Variants in CCDC175 observed in about 807,000 individuals in gnomAD.
CCDC175 encodes the protein coiled-coil domain-containing protein 175.
In CCDC175, 100 loss-of-function variants were observed where a neutral mutation model predicts 114.6. That is an observed-to-expected ratio of 0.87 (90% confidence interval 0.74 to 1.03). The LOEUF is 1.03. Among genes scored for constraint, CCDC175 ranks in the 50% least tolerant of loss-of-function variants. The pLI, the probability that CCDC175 is intolerant of heterozygous loss-of-function variation, is 0.00. For missense variants in CCDC175, 880 were observed against 917.8 expected (o/e 0.96, Z 0.53); for synonymous variants, 306 against 308.7 (o/e 0.99, Z 0.09).
At position 59,517,379 on chromosome 14, in the gene CCDC175, T is replaced by A. The variant is rs1893155892; in HGVS notation, c.2098+4195A>T. ...CAATTAGCAAAAGAGGAAATCCAATTGTCCCTGTTTGCAGATGACATTATT... is the reference window on the plus strand; with the variant it reads ...CAATTAGCAAAAGAGGAAATCCAATAGTCCCTGTTTGCAGATGACATTATT... On this transcript the variant is annotated intron_variant, in intron 17 of 19. Coordinates refer to ENST00000537690, the MANE Select transcript of CCDC175 (RefSeq NM_001164399.2). Among the ~76,000 whole-genome samples, 6 of 152,316 alleles carry A rather than the reference T, an allele frequency of 3.9e-5. No individual in the cohort carries two copies. In the South Asian group the frequency reaches 1.2e-3, roughly 32 times the overall value.
chr14:59,535,144 C>T (rs192638181), intron 13 of CCDC175, among the ~76,000 whole-genome samples: 8 of 152,214 alleles, frequency 5.3e-5, no homozygotes, highest in Non-Finnish European at 1.0e-4. Flanking sequence ...TGCTGATTAT[C>T]GAGGGGAAAT....
rs1407396277 is a variant in CCDC175 at position 59,552,873 on chromosome 14, A to AT, written c.954-1438_954-1437insA. ...CTGGAAGAAAGGGTATCAGTGATTG[A>AT]AATCAAATGAATGAAATGAAGCGAG... On this transcript the variant is annotated intron_variant, in intron 7 of 19. Transcript: ENST00000537690. 5.1e-5 allele frequency among the ~76,000 whole-genome samples: 5 copies of AT among 97,090 alleles called. No individual in the cohort carries two copies. In the East Asian group the frequency reaches 3.2e-3, roughly 62 times the overall value. The allele number at this position is 97,090 out of a possible 152,430, so 63.7% of individuals were successfully genotyped here.
rs531695582 is a variant in CCDC175, at chr14:59,511,358, C to G, written c.2142+402G>C. ...GATTTTGACCCCAGCCTATCTGACT[C>G]TGAAGTGGGGAGGGTGCAGATGTTG... On this transcript the variant is annotated intron_variant, in intron 18 of 19. Transcript: ENST00000537690. 2.6e-5 allele frequency among the ~76,000 whole-genome samples: 4 copies of G among 152,120 alleles called. No homozygotes were observed. In the South Asian group the frequency reaches 8.3e-4, roughly 32 times the overall value.
At chr14:59,516,070 G>C (rs578206480) in intron 17 of CCDC175, among the ~76,000 whole-genome samples, 1 of 152,254 alleles carries the variant, frequency 6.6e-6, no homozygotes, top group African/African-American at 2.4e-5. Flanking sequence ...AATGACTACT[G>C]GGTACATAAC....
intron 7 of CCDC175, among the ~76,000 whole-genome samples, chr14:59,552,095 A>G (rs113423887): frequency 0.45 from 67,895 of 152,162 alleles, 17,386 homozygotes; most frequent in East Asian, 0.81. Flanking sequence ...TTAAACGTCC[A>G]TGTCTGACAC....
chr14:59,535,858 AG>A (rs1158254187), intron 13 of CCDC175, among the ~76,000 whole-genome samples: 3 of 152,176 alleles, frequency 2.0e-5, no homozygotes, highest in African/African-American at 7.2e-5. Context: ...CACATCCAAT[AG>A]TTGGCTCCTT....
chr14:59,507,842 G>T (rs1892513594), intron 19 of CCDC175, among the ~76,000 whole-genome samples: 1 of 152,180 alleles, frequency 6.6e-6, no homozygotes, highest in Admixed American at 6.5e-5. Flanking sequence ...AGCTGGCATG[G>T]TGGCTCACAC....
chr14:59,524,438 G>C lies in CCDC175; in HGVS notation c.1995+844C>G, dbSNP rs540229641. On this transcript the variant is annotated intron_variant, in intron 16 of 19. Coordinates refer to ENST00000537690, the MANE Select transcript of CCDC175 (RefSeq NM_001164399.2). Reference sequence around the variant, plus strand: ...TTTTTAAAAAACGGGCAAAAGACTTGAACAGTCACTTCACAAAAAAAGGAT... The same window carrying C: ...TTTTTAAAAAACGGGCAAAAGACTTCAACAGTCACTTCACAAAAAAAGGAT... Among the ~76,000 whole-genome samples, 3 of 152,210 alleles carry C rather than the reference G, an allele frequency of 2.0e-5. No homozygotes were observed. In the East Asian group the frequency reaches 5.8e-4, roughly 29 times the overall value.
At chr14:59,520,012 T>C (rs1566598740) in intron 17 of CCDC175, among the ~76,000 whole-genome samples, 1 of 152,230 alleles carries the variant, frequency 6.6e-6, no homozygotes, top group African/African-American at 2.4e-5. Flanking sequence ...TCCCGGCTGT[T>C]GAATTACCCT....
Position 59,530,748 on chromosome 14 carries a change from A to G in CCDC175, c.1762+1024T>C, listed in dbSNP as rs546474205. The stretch of plus-strand genomic sequence containing the variant: ...CTACATTTGAACATATTGGGGTTCC[A>G]TATGAATGTCCCATTTTGACACAGG... On this transcript the variant is annotated intron_variant, in intron 14 of 19. Coordinates refer to ENST00000537690, the MANE Select transcript of CCDC175 (RefSeq NM_001164399.2). Among the ~76,000 whole-genome samples the G allele has an allele frequency of 3.3e-5, 5 of 152,316 alleles. No homozygotes were observed. The East Asian group carries it at 7.7e-4, about 24-fold the overall frequency.
chr14:59,530,672 A>C (rs890303848), intron 14 of CCDC175, among the ~76,000 whole-genome samples: 2 of 152,042 alleles, frequency 1.3e-5, no homozygotes, highest in Non-Finnish European at 2.9e-5. Flanking sequence ...ATTTTTAAAA[A>C]TCCACCCTCC....
At chr14:59,539,771 G>A (rs757436015) in intron 11 of CCDC175, among the ~76,000 whole-genome samples, 17 of 151,786 alleles carry the variant, frequency 1.1e-4, no homozygotes, top group East Asian at 1.9e-4. Flanking sequence ...AAAATTAGCC[G>A]GGCATGATAG....
intron 17 of CCDC175, among the ~76,000 whole-genome samples, chr14:59,516,356 T>A (rs1893086074): frequency 6.6e-6 from 1 of 152,046 alleles, no homozygotes; most frequent in Admixed American, 6.6e-5. Context: ...AAAAAAACCT[T>A]CAAAAAAATC....
intron 1 of CCDC175, among the ~76,000 whole-genome samples, chr14:59,575,648 T>G (rs1237497437): frequency 6.6e-6 from 1 of 152,100 alleles, no homozygotes; most frequent in Non-Finnish European, 1.5e-5. Context: ...TAGCTGGGAT[T>G]ACAGACGTGC....
At chr14:59,508,189 C>T (rs768478660) in intron 19 of CCDC175, among the ~76,000 whole-genome samples, 2 of 152,042 alleles carry the variant, frequency 1.3e-5, no homozygotes, top group Admixed American at 6.5e-5. Context: ...CACTTGTCCA[C>T]TAGAGGCAAG....
chr14:59,545,133 G>A (rs1380367108), intron 9 of CCDC175, 30 bp downstream of exon 9: 11 of 1,526,516 alleles, frequency 7.2e-6, no homozygotes, highest in African/African-American at 1.4e-5. Flanking sequence ...ATGATGGCAT[G>A]TTGAATCACA....
At position 59,568,299 on chromosome 14, in the gene CCDC175, A is replaced by G. The variant is rs1419180252; in HGVS notation, c.437T>C (p.Ile146Thr). The change falls in exon 4 of 20, where the codon ATA becomes ACA. Residue 146 changes from isoleucine (I) to threonine (T), a missense_variant. Coordinates refer to ENST00000537690, the MANE Select transcript of CCDC175 (RefSeq NM_001164399.2). ...KMRITRTENE[I>T]ELLKKKITDL... ...AGTTATTTTCTTCTTCAGAAGCTCT[A>G]TTTCATTCTCTGTCCTTGTAATTCT... 1 of 1,532,764 alleles carries G rather than the reference A, an allele frequency of 6.5e-7. No individual in the cohort carries two copies. Among genetic ancestry groups the G allele is most frequent in the Non-Finnish European group, 8.7e-7 (1 of 1,145,558 alleles). The allele number at this position is 1,532,764 out of a possible 1,614,324, so 94.9% of individuals were successfully genotyped here.
At chr14:59,551,734 A>G (rs982334469) in intron 7 of CCDC175, among the ~76,000 whole-genome samples, 1 of 152,210 alleles carries the variant, frequency 6.6e-6, no homozygotes, top group African/African-American at 2.4e-5. Context: ...GGAAGCCATG[A>G]CAGACAGCAC....
intron 16 of CCDC175, among the ~76,000 whole-genome samples, chr14:59,522,583 C>T (rs1893485163): frequency 6.6e-6 from 1 of 152,192 alleles, no homozygotes; most frequent in Non-Finnish European, 1.5e-5. Context: ...TTCTTTCAGT[C>T]TCTCTTTTTA....
Sources: gnomAD v4.1 joint callset for allele counts (sites outside exome capture counted in the v4.1 genomes callset) on GRCh38, gnomAD v4.1.1 for gene constraint, MANE v1.5 for transcripts, NCBI Gene and HGNC (gene_info 2026-07-23, HGNC 2026-07-21) for gene names.